Variants in TTC28 observed in about 807,000 individuals in gnomAD.
The protein encoded by TTC28 is tetratricopeptide repeat domain 28, also known as tetratricopeptide repeat protein 28.
Under a neutral mutation model 198.0 loss-of-function variants are expected in TTC28, and 61 were observed. That is an observed-to-expected ratio of 0.31 (90% CI 0.25 to 0.38). TTC28 has a LOEUF of 0.38. Among genes scored for constraint, TTC28 ranks in the 10% least tolerant of loss-of-function variants. The pLI is 1.00. For synonymous variants in TTC28, 1,171 were observed against 1,297.8 expected (o/e 0.90, Z 2.10); for missense variants, 2,678 against 3,164.0 (o/e 0.85, Z 3.69).
At chr22:28,384,054 T>C (rs2046535891) in intron 2 of TTC28, among the ~76,000 whole-genome samples, 1 of 152,196 alleles carries the variant, frequency 6.6e-6, no homozygotes. Context: ...CATCCCCTCC[T>C]GTGGGCTTTT....
rs1244992967 is a variant in TTC28 at position 27,981,866 on chromosome 22, C to T, written c.*355G>A. On this transcript the variant is annotated 3_prime_UTR_variant, in exon 23 of 23. Transcript: ENST00000397906. ...TACCTCTTAGCAAAATATGTGCTCC[C>T]TTTCCTCTCCCCACCCCAGAACCAT... 1 of 223,622 alleles carries T rather than the reference C, an allele frequency of 4.5e-6. No individual in the cohort carries two copies. The highest frequency in any genetic ancestry group is 2.3e-5 in the African/African-American group (1 of 44,132). The allele number at this position is 223,622 out of a possible 1,614,324, so 13.9% of individuals were successfully genotyped here.
chr22:28,310,522 T>C (rs540283761), intron 2 of TTC28, among the ~76,000 whole-genome samples: 12 of 152,292 alleles, frequency 7.9e-5, no homozygotes, highest in African/African-American at 2.9e-4. Context: ...AACACATCAT[T>C]CCTGGTTCAG....
At chr22:27,999,521 G>A (rs1232293890) in intron 15 of TTC28, 2 of 516,522 alleles carry the variant, frequency 3.9e-6, no homozygotes, top group African/African-American at 1.9e-5. Context: ...ATTGGGGGAG[G>A]AGGCCTTGAT....
chr22:28,087,638 C>G (rs906523635), intron 12 of TTC28, among the ~76,000 whole-genome samples: 3 of 152,172 alleles, frequency 2.0e-5, no homozygotes, highest in African/African-American at 7.2e-5. Flanking sequence ...TCCTATTCAA[C>G]ACAGTGCTGG....
intron 2 of TTC28, among the ~76,000 whole-genome samples, chr22:28,362,497 G>A (rs899209655): frequency 6.6e-6 from 1 of 152,146 alleles, no homozygotes; most frequent in African/African-American, 2.4e-5. Flanking sequence ...CCAGTAGAGA[G>A]GGGTGCTCCT....
At chr22:28,590,760 G>A (rs1403674334) in intron 2 of TTC28, among the ~76,000 whole-genome samples, 1 of 151,018 alleles carries the variant, frequency 6.6e-6, no homozygotes, top group East Asian at 2.0e-4. Context: ...TATAATCCCA[G>A]CACTTTGGGA....
At chr22:28,440,070 A>C (rs1338421372) in intron 2 of TTC28, among the ~76,000 whole-genome samples, 1 of 152,244 alleles carries the variant, frequency 6.6e-6, no homozygotes, top group Non-Finnish European at 1.5e-5. Context: ...TCCTGACCTC[A>C]GGTCATCCGC....
intron 13 of TTC28, among the ~76,000 whole-genome samples, chr22:28,022,818 T>C (rs1938665936): frequency 6.6e-6 from 1 of 152,234 alleles, no homozygotes; most frequent in Non-Finnish European, 1.5e-5. Flanking sequence ...GATGCCTCAA[T>C]TCAATTAAAA....
At chr22:28,137,403 C>T (rs59103380) in intron 6 of TTC28, among the ~76,000 whole-genome samples, 1 of 152,152 alleles carries the variant, frequency 6.6e-6, no homozygotes, top group Non-Finnish European at 1.5e-5. Flanking sequence ...TTTCCTCTCT[C>T]GCTTCTCAGA....
chr22:28,131,807 G>A (rs1943065358), intron 6 of TTC28, among the ~76,000 whole-genome samples: 1 of 152,282 alleles, frequency 6.6e-6, no homozygotes, highest in East Asian at 1.9e-4. Flanking sequence ...GTTTAGCACA[G>A]CTCCTGGAAT....
At chr22:28,614,033 A>T (rs998437836) in intron 2 of TTC28, among the ~76,000 whole-genome samples, 1 of 152,228 alleles carries the variant, frequency 6.6e-6, no homozygotes, top group Non-Finnish European at 1.5e-5. Context: ...ATGATTGTAT[A>T]TTTAGAAAAC....
At chr22:28,140,584 T>C (rs114308902) in intron 6 of TTC28, among the ~76,000 whole-genome samples, 1,737 of 152,314 alleles carry the variant, frequency 0.011, 32 homozygotes, top group African/African-American at 0.04. Context: ...CCTGTTAAAA[T>C]GGACTTCTAG....
chr22:28,078,316 T>C (rs1313421709), intron 12 of TTC28, among the ~76,000 whole-genome samples: 2 of 152,112 alleles, frequency 1.3e-5, no homozygotes, highest in Non-Finnish European at 2.9e-5. Context: ...AGGGGCACAG[T>C]GCATTTTACA....
rs140615626 is a variant in TTC28 at position 28,236,672 on chromosome 22, G to A, written c.933+59526C>T. Among the ~76,000 whole-genome samples, 637 of 152,210 alleles carry A rather than the reference G, an allele frequency of 4.2e-3. 2 individuals carry two copies. The highest frequency in any genetic ancestry group is 7.1e-3 in the Non-Finnish European group (486 of 68,004). ...AAATAGAGTTTAAGGATATGGGCTT[G>A]GTCAACTGCTTCCTAAGCATGCTGG... On this transcript the variant is annotated intron_variant, in intron 5 of 22. Coordinates refer to ENST00000397906, the MANE Select transcript of TTC28 (RefSeq NM_001145418.2).
chr22:28,419,401 A>C (rs549013158), intron 2 of TTC28, among the ~76,000 whole-genome samples: 1 of 152,314 alleles, frequency 6.6e-6, no homozygotes, highest in South Asian at 2.1e-4. Flanking sequence ...TCTGATAAGA[A>C]GTTAACCTCT....
At chr22:28,313,894 T>C (rs761847842) in intron 2 of TTC28, among the ~76,000 whole-genome samples, 2 of 152,098 alleles carry the variant, frequency 1.3e-5, no homozygotes, top group African/African-American at 2.4e-5. Flanking sequence ...ATAAAGCATA[T>C]ACAAATAGGA....
chr22:28,154,376 G>C (rs1943699668), intron 6 of TTC28, among the ~76,000 whole-genome samples: 1 of 137,422 alleles, frequency 7.3e-6, no homozygotes, highest in Non-Finnish European at 1.5e-5. Flanking sequence ...TTTTGAGACA[G>C]AGTCTCACTC....
At chr22:28,599,213 C>T (rs2050596778) in intron 2 of TTC28, among the ~76,000 whole-genome samples, 1 of 152,192 alleles carries the variant, frequency 6.6e-6, no homozygotes, top group African/African-American at 2.4e-5. Context: ...AGTTCTTTAT[C>T]CCTACTTCTA....
At chr22:28,065,063 AC>A (rs1940699261) in intron 12 of TTC28, among the ~76,000 whole-genome samples, 1 of 152,174 alleles carries the variant, frequency 6.6e-6, no homozygotes, top group Non-Finnish European at 1.5e-5. Context: ...GCATCCAGAA[AC>A]CAATAATGCC....
Sources: allele counts gnomAD v4.1 joint callset (sites outside exome capture counted in the v4.1 genomes callset), GRCh38; gene constraint gnomAD v4.1.1; transcripts MANE v1.5; gene names NCBI Gene and HGNC (gene_info 2026-07-23, HGNC 2026-07-21).